Variants in PUM2 observed in about 807,000 individuals in gnomAD.
PUM2 encodes pumilio RNA binding family member 2.
Under a neutral mutation model 124.5 loss-of-function variants are expected in PUM2, and 57 were observed. The ratio of observed to expected loss-of-function variants is 0.46; its 90% CI spans 0.37 to 0.57. PUM2 has a LOEUF of 0.57. Among genes scored for constraint, PUM2 ranks in the 20% least tolerant of loss-of-function variants. The pLI, the probability that PUM2 is intolerant of heterozygous loss-of-function variation, is 0.00. For synonymous variants in PUM2, 460 were observed against 446.1 expected (o/e 1.03, Z -0.39); for missense variants, 1,065 against 1,290.6 (o/e 0.83, Z 2.68).
chr2:20,265,269 T>C (rs568390467), intron 13 of PUM2, among the ~76,000 whole-genome samples: 31 of 147,832 alleles, frequency 2.1e-4, no homozygotes, highest in Non-Finnish European at 4.0e-4. Context: ...AAAAAAGGCA[T>C]GTAATTTAAG....
At position 20,253,981 on chromosome 2, in the gene PUM2, G is replaced by A. The variant is rs769619740; in HGVS notation, c.2904C>T (p.Ser968=). The A allele has an allele frequency of 6.2e-7, 1 of 1,613,736 alleles. No homozygotes were observed. The highest frequency in any genetic ancestry group is 1.7e-5 in the Admixed American group (1 of 59,956). The change falls in exon 20 of 21, where the codon TCC becomes TCT. Residue 968 remains serine, a synonymous_variant. Coordinates refer to ENST00000361078, the MANE Select transcript of PUM2 (RefSeq NM_015317.5). The part of the protein sequence containing the change: ...NVVEKCVTHA[S]RAERALLIDE... The stretch of plus-strand genomic sequence containing the variant: ...CAATCAGTAAAGCTCTCTCAGCACG[G>A]GAGGCATGAGTAACACACTTTTCTA...
chr2:20,312,443 C>CA lies in PUM2; in HGVS notation c.161-21dup. The stretch of plus-strand genomic sequence containing the variant: ...AATGGTCTGTTTGGAAGAAAAAACA[C>CA]AATTATATACTTATACTTTTAAGTT... On this transcript the variant is annotated intron_variant, in intron 3 of 20. Transcript: ENST00000361078. The CA allele has an allele frequency of 6.3e-7, 1 of 1,587,720 alleles. No homozygotes were observed.
intron 9 of PUM2, among the ~76,000 whole-genome samples, chr2:20,293,042 T>C (rs1674598894): frequency 6.6e-6 from 1 of 152,178 alleles, no homozygotes; most frequent in Non-Finnish European, 1.5e-5. Context: ...CAAACCAAGT[T>C]TTCAGGATTC....
intron 8 of PUM2, among the ~76,000 whole-genome samples, chr2:20,297,296 T>C (rs940134537): frequency 6.6e-6 from 1 of 152,236 alleles, no homozygotes; most frequent in Non-Finnish European, 1.5e-5. Flanking sequence ...CATGGTTGAC[T>C]ATATAGATTT....
intron 1 of PUM2, among the ~76,000 whole-genome samples, chr2:20,343,200 G>A (rs1687570453): frequency 6.6e-6 from 1 of 152,078 alleles, no homozygotes; most frequent in East Asian, 1.9e-4. Flanking sequence ...TTTGGAAGAC[G>A]GCAGACTATC....
At chr2:20,272,118 T>C (rs374534312) in intron 13 of PUM2, among the ~76,000 whole-genome samples, 6 of 151,938 alleles carry the variant, frequency 3.9e-5, no homozygotes, top group South Asian at 2.1e-4. Flanking sequence ...AATCGCACCA[T>C]TGCACTCCAG....
At chr2:20,335,203 G>C (rs528698714) in intron 1 of PUM2, among the ~76,000 whole-genome samples, 36 of 152,322 alleles carry the variant, frequency 2.4e-4, no homozygotes, top group African/African-American at 7.7e-4. Flanking sequence ...AGGATTAAAG[G>C]TGTGAGCCAC....
At chr2:20,314,579 A>G (rs1297497977) in intron 3 of PUM2, among the ~76,000 whole-genome samples, 1 of 152,226 alleles carries the variant, frequency 6.6e-6, no homozygotes, top group Non-Finnish European at 1.5e-5. Flanking sequence ...TAAATACTCA[A>G]TATTTAAACT....
chr2:20,315,808 A>C (rs1680755138), intron 3 of PUM2, among the ~76,000 whole-genome samples: 1 of 151,064 alleles, frequency 6.6e-6, no homozygotes, highest in Non-Finnish European at 1.5e-5. Flanking sequence ...CAAAAATACA[A>C]AAATTAGCCA....
At chr2:20,351,676 C>T (rs756263401), upstream of PUM2, among the ~76,000 whole-genome samples, 5 of 152,246 alleles carry the variant, frequency 3.3e-5, no homozygotes, top group African/African-American at 7.2e-5. Flanking sequence ...CTCCAGGTCA[C>T]ACAGCTGTAA....
chr2:20,253,487 C>T (rs906261769), intron 20 of PUM2, among the ~76,000 whole-genome samples: 4 of 151,886 alleles, frequency 2.6e-5, no homozygotes, highest in Admixed American at 2.0e-4. Flanking sequence ...AAGGGTTGCA[C>T]CATGATGCTT....
At chr2:20,306,736 T>C (rs878888987) in intron 7 of PUM2, among the ~76,000 whole-genome samples, 2 of 151,220 alleles carry the variant, frequency 1.3e-5, no homozygotes, top group African/African-American at 2.4e-5. Context: ...GACACCCAAG[T>C]AGACGGGATT....
intron 16 of PUM2, among the ~76,000 whole-genome samples, chr2:20,256,664 G>T (rs993078822): frequency 6.6e-6 from 1 of 152,116 alleles, no homozygotes; most frequent in Admixed American, 6.5e-5. Context: ...CTACTTATGG[G>T]CTATGATTTT....
upstream of PUM2, among the ~76,000 whole-genome samples, chr2:20,351,104 C>T (rs753578340): frequency 3.9e-5 from 6 of 152,172 alleles, no homozygotes; most frequent in Non-Finnish European, 8.8e-5. Flanking sequence ...AGAGCGCAGG[C>T]GTACTGTTGC....
chr2:20,334,745 A>G (rs1392472402), intron 1 of PUM2, among the ~76,000 whole-genome samples: 2 of 152,216 alleles, frequency 1.3e-5, no homozygotes, highest in East Asian at 3.8e-4. Context: ...GACATTTACC[A>G]ACACAAAATG....
At chr2:20,285,022 A>T (rs1403867769) in intron 10 of PUM2, among the ~76,000 whole-genome samples, 5 of 152,254 alleles carry the variant, frequency 3.3e-5, no homozygotes, top group Non-Finnish European at 5.9e-5. Context: ...TCTTGTTCAA[A>T]AACATTGTCA....
At chr2:20,261,772 A>G (rs1480060802) in intron 14 of PUM2, among the ~76,000 whole-genome samples, 1 of 152,222 alleles carries the variant, frequency 6.6e-6, no homozygotes, top group Non-Finnish European at 1.5e-5. Flanking sequence ...AAAAAGTCTC[A>G]TAGAATAAGC....
intron 13 of PUM2, among the ~76,000 whole-genome samples, chr2:20,275,333 G>A (rs1669999740): frequency 6.6e-6 from 1 of 151,888 alleles, no homozygotes; most frequent in Non-Finnish European, 1.5e-5. Context: ...AAAAACACGA[G>A]TCACCTTTAA....
intron 1 of PUM2, among the ~76,000 whole-genome samples, chr2:20,344,723 C>T (rs1030317990): frequency 1.3e-5 from 2 of 152,152 alleles, no homozygotes; most frequent in African/African-American, 2.4e-5. Flanking sequence ...TGGCTCACAC[C>T]TGTAATCCCA....
Sources: allele counts gnomAD v4.1 joint callset (sites outside exome capture counted in the v4.1 genomes callset), GRCh38; gene constraint gnomAD v4.1.1; transcripts MANE v1.5; gene names NCBI Gene and HGNC (gene_info 2026-07-23, HGNC 2026-07-21).